The following SGCZ variants were observed in gnomAD, a reference collection of about 807,000 sequenced individuals.
The protein encoded by SGCZ is sarcoglycan zeta, also known as zeta-sarcoglycan.
Under a neutral mutation model 41.3 loss-of-function variants are expected in SGCZ, and 40 were observed. The observed-to-expected ratio is 0.97, with a 90% CI of 0.75 to 1.26. The LOEUF (loss-of-function observed/expected upper bound fraction) is 1.26. Ranked by LOEUF, SGCZ falls within the 50% of genes most tolerant of loss-of-function variation. SGCZ has a pLI of 0.00. For synonymous variants in SGCZ, 206 were observed against 137.5 expected, an observed-to-expected ratio of 1.50 and a Z score of -3.49; for missense variants, 552 against 369.8, an observed-to-expected ratio of 1.49 and a Z score of -4.04.
intron 3 of SGCZ, among the ~76,000 whole-genome samples, chr8:14,307,652 C>A (rs954223615): frequency 6.6e-6 from 1 of 152,046 alleles, no homozygotes; most frequent in Non-Finnish European, 1.5e-5. Context: ...ACAGAAATGT[C>A]CACATAAAAT....
At chr8:14,102,529 GA>G (rs574193376) in intron 6 of SGCZ, 30 bp from the exon 7 acceptor site, 209 of 1,321,222 alleles carry the variant, frequency 1.6e-4, no homozygotes, top group African/African-American at 1.4e-3. Context: ...TCATTAATAG[GA>G]AAAAAAAACA....
chr8:15,177,814 G>A (rs969363667), intron 1 of SGCZ, among the ~76,000 whole-genome samples: 6 of 152,134 alleles, frequency 3.9e-5, no homozygotes, highest in South Asian at 2.1e-4. Context: ...ACCAGTATAC[G>A]TGGACCTTTC....
chr8:14,338,678 T>G (rs1033316539), intron 2 of SGCZ, among the ~76,000 whole-genome samples: 1 of 152,244 alleles, frequency 6.6e-6, no homozygotes, highest in Non-Finnish European at 1.5e-5. Flanking sequence ...ATCTACTTTG[T>G]TCCTCATACA....
At chr8:14,677,088 C>A (rs1051731074) in intron 1 of SGCZ, among the ~76,000 whole-genome samples, 1 of 151,702 alleles carries the variant, frequency 6.6e-6, no homozygotes, top group Non-Finnish European at 1.5e-5. Flanking sequence ...CAAAAAAAAA[C>A]CTCTCCTGGA....
At chr8:14,904,907 T>G (rs1013802965) in intron 1 of SGCZ, among the ~76,000 whole-genome samples, 2 of 151,990 alleles carry the variant, frequency 1.3e-5, no homozygotes, top group Admixed American at 1.3e-4. Context: ...TCAACTCTCC[T>G]CCTATGTTTT....
At chr8:14,730,955 A>G (rs1810218603) in intron 1 of SGCZ, among the ~76,000 whole-genome samples, 1 of 151,810 alleles carries the variant, frequency 6.6e-6, no homozygotes, top group Admixed American at 6.6e-5. Flanking sequence ...AATTAGTTCA[A>G]CCATTGTGGA....
At chr8:14,157,323 C>T (rs79990323) in intron 5 of SGCZ, among the ~76,000 whole-genome samples, 16,211 of 139,338 alleles carry the variant, frequency 0.12, 968 homozygotes, top group Middle Eastern at 0.22. Flanking sequence ...ATGTTATATA[C>T]ATATATATGC....
intron 5 of SGCZ, among the ~76,000 whole-genome samples, chr8:14,141,429 A>C (rs1460375721): frequency 6.6e-6 from 1 of 152,174 alleles, no homozygotes; most frequent in African/African-American, 2.4e-5. Context: ...CTGACAAAGG[A>C]CTACTATCCA....
intron 1 of SGCZ, among the ~76,000 whole-genome samples, chr8:14,664,031 C>G (rs922934958): frequency 6.6e-6 from 1 of 152,108 alleles, no homozygotes; most frequent in African/African-American, 2.4e-5. Flanking sequence ...AAAATTCACT[C>G]CAACTATGTT....
chr8:15,196,906 C>A (rs1182201254), intron 1 of SGCZ, among the ~76,000 whole-genome samples: 1 of 152,224 alleles, frequency 6.6e-6, no homozygotes, highest in Non-Finnish European at 1.5e-5. Flanking sequence ...TGGTTGGCAG[C>A]TGGAGCCCGT....
At chr8:14,262,358 G>T (rs979655244) in intron 3 of SGCZ, among the ~76,000 whole-genome samples, 16 of 152,082 alleles carry the variant, frequency 1.1e-4, no homozygotes, top group Non-Finnish European at 2.2e-4. Context: ...AGCACTTTCT[G>T]TGACAATGTG....
intron 1 of SGCZ, among the ~76,000 whole-genome samples, chr8:15,098,297 A>T (rs1449791348): frequency 3.9e-5 from 6 of 152,198 alleles, no homozygotes; most frequent in Non-Finnish European, 8.8e-5. Flanking sequence ...ATTCTTCCTT[A>T]CATTTTTATT....
intron 6 of SGCZ, among the ~76,000 whole-genome samples, chr8:14,105,108 T>A (rs1446314985): frequency 6.6e-6 from 1 of 152,090 alleles, no homozygotes; most frequent in African/African-American, 2.4e-5. Context: ...CTTTGTTAAC[T>A]ATTTAACATG....
At chr8:14,644,495 C>A in intron 1 of SGCZ, among the ~76,000 whole-genome samples, 1 of 151,612 alleles carries the variant, frequency 6.6e-6, no homozygotes, top group Non-Finnish European at 1.5e-5. Context: ...GTTGTGCCAG[C>A]CAATTTTTAA....
At chr8:14,651,863 T>C (rs1432237912) in intron 1 of SGCZ, among the ~76,000 whole-genome samples, 2 of 151,950 alleles carry the variant, frequency 1.3e-5, no homozygotes, top group African/African-American at 4.8e-5. Flanking sequence ...GTTTCTGACA[T>C]ATATTTTCAG....
intron 2 of SGCZ, among the ~76,000 whole-genome samples, chr8:14,480,842 C>A (rs930171006): frequency 6.6e-6 from 1 of 152,044 alleles, no homozygotes; most frequent in Middle Eastern, 3.4e-3. Flanking sequence ...TCACAACAAA[C>A]TCCCATGATA....
intron 1 of SGCZ, among the ~76,000 whole-genome samples, chr8:15,188,862 G>T (rs1176573262): frequency 6.6e-6 from 1 of 151,996 alleles, no homozygotes; most frequent in Admixed American, 6.6e-5. Flanking sequence ...AGAGAGGAAG[G>T]GAATCTGGAA....
intron 1 of SGCZ, among the ~76,000 whole-genome samples, chr8:14,620,967 C>A (rs1439586555): frequency 2.0e-5 from 3 of 152,100 alleles, no homozygotes. Context: ...ATAAATCATG[C>A]TGCTGTAAAG....
chr8:14,269,569 C>T (rs1420963456), intron 3 of SGCZ, among the ~76,000 whole-genome samples: 2 of 152,116 alleles, frequency 1.3e-5, no homozygotes, highest in African/African-American at 2.4e-5. Flanking sequence ...ACTGCACATT[C>T]AGCTTTCAAC....
Sources: gnomAD v4.1 joint callset for allele counts (sites outside exome capture counted in the v4.1 genomes callset) on GRCh38, gnomAD v4.1.1 for gene constraint, MANE v1.5 for transcripts, NCBI Gene and HGNC (gene_info 2026-07-23, HGNC 2026-07-21) for gene names.